The following SPAG9 variants were observed in gnomAD, a reference collection of about 807,000 sequenced individuals.
SPAG9 encodes the protein C-Jun-amino-terminal kinase-interacting protein 4.
A neutral mutation model predicts 166.5 loss-of-function variants in SPAG9; 35 were observed. The ratio of observed to expected loss-of-function variants is 0.21; its 90% CI spans 0.16 to 0.28. The LOEUF (loss-of-function observed/expected upper bound fraction) is 0.28. SPAG9 is among the 10% of genes least tolerant of loss of function. SPAG9 has a pLI of 1.00. For synonymous variants in SPAG9, 534 were observed against 565.5 expected (o/e 0.94, Z 0.79); for missense variants, 1,235 against 1,603.3 (o/e 0.77, Z 3.92).
rs568688485 is a variant in SPAG9 at position 50,995,738 on chromosome 17, TGCAGCCTC to T, written c.1969-213_1969-206del. 5.7e-4 allele frequency: 297 copies of T among 522,328 alleles called. 1 individual carries two copies. The highest frequency in any genetic ancestry group is 5.3e-3 in the African/African-American group (270 of 51,368). The allele number at this position is 522,328 out of a possible 1,614,324, so 32.4% of individuals were successfully genotyped here. On this transcript the variant is annotated intron_variant, in intron 16 of 29. Transcript: ENST00000262013. ...GTGCAGTGGCTTGATCATGGCTCACTGCAGCCTCAATCTGTCAGGCTTAAGCGGTCCCC... is the reference window on the plus strand; with the variant it reads ...GTGCAGTGGCTTGATCATGGCTCACTAATCTGTCAGGCTTAAGCGGTCCCC...
intron 6 of SPAG9, among the ~76,000 whole-genome samples, chr17:51,028,217 A>T (rs1329815203): frequency 1.3e-5 from 2 of 151,432 alleles, no homozygotes; most frequent in Admixed American, 1.3e-4. Flanking sequence ...AAAGTTTATA[A>T]AGTAAATAAG....
At position 51,120,144 on chromosome 17, in the gene SPAG9, C is replaced by T. The variant is rs1003063700; in HGVS notation, c.303+210G>A. Among the ~76,000 whole-genome samples, 8 of 152,238 alleles carry T rather than the reference C, an allele frequency of 5.3e-5. No individual in the cohort carries two copies. The highest frequency in any genetic ancestry group is 1.9e-4 in the African/African-American group (8 of 41,466). ...CCTGCCTCCTCCATCTCGCTCCCTTCCCAGGACACTCAGTAGCCGGCCTCG... is the reference window on the plus strand; with the variant it reads ...CCTGCCTCCTCCATCTCGCTCCCTTTCCAGGACACTCAGTAGCCGGCCTCG... On this transcript the variant is annotated intron_variant, in intron 1 of 29. Transcript: ENST00000262013. This position sits in a 1 kb window ranked among gnomAD's most constrained non-coding sequence, Gnocchi z 4.7.
chr17:51,094,964 AG>A (rs2144705154), intron 1 of SPAG9, among the ~76,000 whole-genome samples: 2 of 152,332 alleles, frequency 1.3e-5, no homozygotes, highest in Admixed American at 1.3e-4. Flanking sequence ...AACATGCTCA[AG>A]CACACTACTG....
Position 50,963,022 on chromosome 17 carries a change from T to G in SPAG9, c.*3250A>C, listed in dbSNP as rs1482721149. ...AAAAGTGAGTTCCTAGAGAATATTA[T>G]CCCTTTGCCTCACAGAGATTTTAAC... On this transcript the variant is annotated 3_prime_UTR_variant, in exon 30 of 30. Coordinates refer to ENST00000262013, the MANE Select transcript of SPAG9 (RefSeq NM_001130528.3). 1 of 152,206 alleles carries G rather than the reference T, an allele frequency of 6.6e-6. No individual in the cohort carries two copies. Among genetic ancestry groups the G allele is most frequent in the Non-Finnish European group, 1.5e-5 (1 of 68,034 alleles). 9.4% of individuals were successfully genotyped at this position (152,206 alleles called of 1,614,324 possible).
chr17:51,110,080 A>G (rs986485762), intron 1 of SPAG9, among the ~76,000 whole-genome samples: 4 of 152,164 alleles, frequency 2.6e-5, no homozygotes, highest in Admixed American at 2.0e-4. Flanking sequence ...TTTAGGAGAT[A>G]AATATGTTAA....
chr17:50,975,155 G>T, intron 27 of SPAG9: 1 of 488,730 alleles, frequency 2.0e-6, no homozygotes, highest in Non-Finnish European at 3.5e-6. Context: ...ATGGAGTAGG[G>T]GATTTTGCCA....
chr17:51,006,321 C>T (rs2045217919), intron 10 of SPAG9, 84 bp from the exon 11 acceptor site: 3 of 1,243,410 alleles, frequency 2.4e-6, no homozygotes, highest in African/African-American at 1.5e-5. Context: ...CTAAACTGTA[C>T]AACCATAGAC....
intron 29 of SPAG9, among the ~76,000 whole-genome samples, chr17:50,968,286 T>A (rs1449373519): frequency 6.6e-6 from 1 of 152,218 alleles, no homozygotes; most frequent in Non-Finnish European, 1.5e-5. Context: ...TAAATGACCC[T>A]AATTTTTTTT....
intron 1 of SPAG9, among the ~76,000 whole-genome samples, chr17:51,117,890 T>C (rs929624598): frequency 6.6e-6 from 1 of 151,546 alleles, no homozygotes; most frequent in African/African-American, 2.4e-5. Flanking sequence ...TCCCAGTACT[T>C]TGGGAGGCTG....
chr17:51,026,700 A>T (rs2046193013), intron 6 of SPAG9, among the ~76,000 whole-genome samples: 1 of 141,926 alleles, frequency 7.0e-6, no homozygotes, highest in Non-Finnish European at 1.5e-5. Context: ...TTTGAGACGA[A>T]GTTTCGCTCT....
intron 2 of SPAG9, among the ~76,000 whole-genome samples, chr17:51,067,307 A>G (rs1449042917): frequency 1.3e-5 from 2 of 152,210 alleles, no homozygotes; most frequent in African/African-American, 4.8e-5. Flanking sequence ...AAGTCATTTT[A>G]AAGTGTGGAA....
chr17:51,120,823 G>A lies in SPAG9; in HGVS notation c.-167C>T, dbSNP rs966997689. The stretch of plus-strand genomic sequence containing the variant: ...GGGGGCCGGGGCCGGAGGAGGGGAG[G>A]GGTGGCGTAGGCGCTCTCACCCCAA... On this transcript the variant is annotated 5_prime_UTR_variant, in exon 1 of 30. Transcript: ENST00000262013. This position sits in a 1 kb window ranked among gnomAD's most constrained non-coding sequence, Gnocchi z 4.7. The A allele has an allele frequency of 2.0e-5, 9 of 456,502 alleles. No individual in the cohort carries two copies. Among genetic ancestry groups the A allele is most frequent in the Admixed American group, 4.6e-5 (1 of 21,912 alleles). 28.3% of individuals were successfully genotyped at this position (456,502 alleles called of 1,614,324 possible).
intron 2 of SPAG9, among the ~76,000 whole-genome samples, chr17:51,078,717 T>C (rs1160640410): frequency 6.6e-6 from 1 of 151,824 alleles, no homozygotes; most frequent in African/African-American, 2.4e-5. Flanking sequence ...CAAGAAAATA[T>C]GAAATTATAT....
intron 1 of SPAG9, among the ~76,000 whole-genome samples, chr17:51,109,955 G>A (rs375103580): frequency 4.6e-5 from 7 of 151,862 alleles, no homozygotes; most frequent in Non-Finnish European, 1.0e-4. Flanking sequence ...CAAGTGTTCC[G>A]CCCACCTCAG....
At chr17:51,025,732 A>C (rs2046141000) in intron 6 of SPAG9, among the ~76,000 whole-genome samples, 1 of 152,154 alleles carries the variant, frequency 6.6e-6, no homozygotes, top group Non-Finnish European at 1.5e-5. Context: ...CTCTACTAAA[A>C]ATGCCAAAAA....
At position 50,995,094 on chromosome 17, in the gene SPAG9, G is replaced by A. The variant is rs756523687; in HGVS notation, c.2189C>T (p.Ser730Phe). ...ATCTAACTTATCTAAACTACTCTGA[G>A]AGGCACTTCGCTGTTTACTGCCTTC... is the stretch of plus-strand genomic sequence containing the variant. ...DTEGSKQRSA[S>F]QSSLDKLDQE... The change falls in exon 18 of 30, where the codon TCT becomes TTT. Residue 730 changes from serine (S) to phenylalanine (F), a missense_variant. By Grantham distance (155) the Ser-to-Phe change is radical (BLOSUM62 -2). Around this residue, in one of 6 missense-constraint regions of SPAG9, gnomAD observed 493 missense variants for 559.4 expected, o/e 0.88. Transcript: ENST00000262013. The A allele has an allele frequency of 1.9e-6, 3 of 1,613,814 alleles. No homozygotes were observed. Among genetic ancestry groups the A allele is most frequent in the Non-Finnish European group, 2.5e-6 (3 of 1,179,922 alleles).
At chr17:51,088,489 A>C (rs2048358761) in intron 1 of SPAG9, among the ~76,000 whole-genome samples, 1 of 152,146 alleles carries the variant, frequency 6.6e-6, no homozygotes, top group Non-Finnish European at 1.5e-5. Context: ...GAAGTGACTA[A>C]ATCTGCTTTA....
intron 6 of SPAG9, among the ~76,000 whole-genome samples, chr17:51,028,584 A>G (rs569070058): frequency 6.6e-6 from 1 of 152,318 alleles, no homozygotes; most frequent in South Asian, 2.1e-4. Flanking sequence ...CATATAGTTC[A>G]GGTGTGTAGT....
At chr17:50,975,696 C>T (rs1363171234) in intron 27 of SPAG9, among the ~76,000 whole-genome samples, 1 of 151,230 alleles carries the variant, frequency 6.6e-6, no homozygotes, top group Non-Finnish European at 1.5e-5. Context: ...AGTTTGGTGG[C>T]CATGTAACAA....
Sources: gnomAD v4.1 joint callset for allele counts (sites outside exome capture counted in the v4.1 genomes callset) on GRCh38, gnomAD v4.1.1 for gene constraint, gnomAD v4.1.1 regional missense constraint, Gnocchi (gnomAD v3.1) non-coding constraint, MANE v1.5 for transcripts, NCBI Gene and HGNC (gene_info 2026-07-23, HGNC 2026-07-21) for gene names.